Variants in TMCC1 observed in about 807,000 individuals in gnomAD.
TMCC1 encodes the protein transmembrane and coiled-coil domain family 1, also known as transmembrane and coiled-coil domains protein 1.
In TMCC1, 15 loss-of-function variants were observed where a neutral mutation model predicts 52.4. That is an observed-to-expected ratio of 0.29 (90% confidence interval 0.19 to 0.44). The LOEUF is 0.44. Among genes scored for constraint, TMCC1 ranks in the 20% least tolerant of loss-of-function variants. The pLI is 1.00. For synonymous variants in TMCC1, 279 were observed against 301.9 expected (o/e 0.92, Z 0.79); for missense variants, 503 against 806.0 (o/e 0.62, Z 4.55).
chr3:129,827,635 A>T (rs1406007274), intron 4 of TMCC1, 168 bp downstream of exon 4: 29 of 714,236 alleles, frequency 4.1e-5, no homozygotes, highest in Non-Finnish European at 6.2e-5. Flanking sequence ...CTAAGCATTC[A>T]TTCATTAGCT....
intron 4 of TMCC1, among the ~76,000 whole-genome samples, chr3:129,805,157 T>A (rs2057393622): frequency 6.6e-6 from 1 of 151,990 alleles, no homozygotes; most frequent in African/African-American, 2.4e-5. Context: ...ACCTTTTTAT[T>A]TATTTATTTA....
intron 4 of TMCC1, among the ~76,000 whole-genome samples, chr3:129,787,444 T>C (rs566686904): frequency 3.9e-5 from 6 of 152,156 alleles, no homozygotes; most frequent in African/African-American, 1.2e-4. Flanking sequence ...GGAAGTTGCA[T>C]GTCCATTGTT....
rs780151102 is a variant in TMCC1, at chr3:129,875,191, TA to T, written c.-184+5117del. Among the ~76,000 whole-genome samples the T allele has an allele frequency of 3.2e-3, 445 of 140,220 alleles. 1 individual carries two copies. Among genetic ancestry groups the T allele is most frequent in the African/African-American group, 4.2e-3 (162 of 38,380 alleles). 92.0% of individuals were successfully genotyped at this position (140,220 alleles called of 152,430 possible). ...AATACAGCAAGATTCCATTGCTATT[TA>T]AAAAAAAAAAAAATGGCCAGGTGCG... On this transcript the variant is annotated intron_variant, in intron 2 of 6. Coordinates refer to ENST00000393238, the MANE Select transcript of TMCC1 (RefSeq NM_001017395.5).
chr3:129,808,184 A>T (rs1417565365), intron 4 of TMCC1, among the ~76,000 whole-genome samples: 1 of 151,836 alleles, frequency 6.6e-6, no homozygotes, highest in African/African-American at 2.4e-5. Flanking sequence ...CCTGTCTAAA[A>T]ATATATATAT....
chr3:129,851,596 G>A (rs1206582889), intron 2 of TMCC1, among the ~76,000 whole-genome samples: 1 of 152,184 alleles, frequency 6.6e-6, no homozygotes, highest in Non-Finnish European at 1.5e-5. Flanking sequence ...TTTAGTGTTG[G>A]TAATGATGTG....
chr3:129,724,516 A>G (rs1461902963), intron 4 of TMCC1, among the ~76,000 whole-genome samples: 1 of 152,226 alleles, frequency 6.6e-6, no homozygotes, highest in African/African-American at 2.4e-5. Context: ...AACAGGGAGA[A>G]TATTCTGGAA....
chr3:129,865,227 T>A (rs2060568196), intron 2 of TMCC1, among the ~76,000 whole-genome samples: 1 of 152,014 alleles, frequency 6.6e-6, no homozygotes, highest in Non-Finnish European at 1.5e-5. Context: ...CAAGGCGCAA[T>A]CCGGGCTCAC....
chr3:129,817,605 A>G (rs2717241), intron 4 of TMCC1, among the ~76,000 whole-genome samples: 95,428 of 152,060 alleles, frequency 0.63, 35,369 homozygotes, highest in Non-Finnish European at 0.83. Flanking sequence ...CCACATCTTC[A>G]TATTTTGATT....
At chr3:129,808,478 T>C (rs1464153929) in intron 4 of TMCC1, among the ~76,000 whole-genome samples, 2 of 150,382 alleles carry the variant, frequency 1.3e-5, no homozygotes, top group Non-Finnish European at 2.9e-5. Flanking sequence ...CAAGACTCCA[T>C]CTCAAATAAT....
At chr3:129,672,569 C>T (rs1335522161) in intron 4 of TMCC1, among the ~76,000 whole-genome samples, 1 of 152,056 alleles carries the variant, frequency 6.6e-6, no homozygotes, top group Non-Finnish European at 1.5e-5. Context: ...CACTGCACTC[C>T]AGTCTGAGTG....
intron 4 of TMCC1, among the ~76,000 whole-genome samples, chr3:129,752,093 T>C (rs2052579522): frequency 6.6e-6 from 1 of 152,196 alleles, no homozygotes; most frequent in Non-Finnish European, 1.5e-5. Context: ...AGGACCACCT[T>C]AATCCTGACC....
At chr3:129,704,041 ACTT>A (rs2048034220) in intron 4 of TMCC1, among the ~76,000 whole-genome samples, 1 of 152,210 alleles carries the variant, frequency 6.6e-6, no homozygotes, top group South Asian at 2.1e-4. Flanking sequence ...GCTTAGCAGT[ACTT>A]CTGAAGGAGA....
At chr3:129,682,660 A>G in intron 4 of TMCC1, among the ~76,000 whole-genome samples, 1 of 152,136 alleles carries the variant, frequency 6.6e-6, no homozygotes, top group East Asian at 1.9e-4. Flanking sequence ...GGCTATTTCT[A>G]CATGAATATC....
chr3:129,818,979 T>G (rs1222734731), intron 4 of TMCC1: 1 of 153,036 alleles, frequency 6.5e-6, no homozygotes, highest in Non-Finnish European at 1.5e-5. Flanking sequence ...TCACAACCAG[T>G]TACAGATTTC....
chr3:129,852,759 C>T (rs1181225639), intron 2 of TMCC1, among the ~76,000 whole-genome samples: 2 of 152,096 alleles, frequency 1.3e-5, no homozygotes, highest in Non-Finnish European at 2.9e-5. Context: ...CATAAACCGG[C>T]TAGCATAAAG....
intron 5 of TMCC1, 115 bp from the exon 6 acceptor site, chr3:129,655,218 T>C: frequency 7.6e-7 from 1 of 1,314,186 alleles, no homozygotes; most frequent in Non-Finnish European, 1.0e-6. Context: ...ACAAAGAAAT[T>C]GAGTGGCCTG....
In TMCC1 at chr3:129,721,684, C is replaced by T. The variant is rs2049600438; in HGVS notation, c.577-50420G>A. Among the ~76,000 whole-genome samples, 5 of 146,940 alleles carry T rather than the reference C, an allele frequency of 3.4e-5. No homozygotes were observed. The South Asian group carries it at 1.1e-3, about 32-fold the overall frequency. ...GACTATCCTGGCTAACACCGTGAAACCCCAACTCTACTAAAAATACAAAAA... is the reference window on the plus strand; with the variant it reads ...GACTATCCTGGCTAACACCGTGAAATCCCAACTCTACTAAAAATACAAAAA... On this transcript the variant is annotated intron_variant, in intron 4 of 6. Transcript: ENST00000393238.
intron 4 of TMCC1, among the ~76,000 whole-genome samples, chr3:129,690,901 C>T (rs2046987328): frequency 2.0e-5 from 3 of 152,186 alleles, no homozygotes; most frequent in South Asian, 2.1e-4. Flanking sequence ...TCTGACAGAA[C>T]CAAGTAAACT....
chr3:129,779,669 T>G (rs139824744), intron 4 of TMCC1, among the ~76,000 whole-genome samples: 1 of 152,284 alleles, frequency 6.6e-6, no homozygotes, highest in African/African-American at 2.4e-5. Context: ...AAGGAAATAT[T>G]ATGAAGACAT....
Sources: allele counts gnomAD v4.1 joint callset (sites outside exome capture counted in the v4.1 genomes callset), GRCh38; gene constraint gnomAD v4.1.1; transcripts MANE v1.5; gene names NCBI Gene and HGNC (gene_info 2026-07-23, HGNC 2026-07-21).